Variants in KIF21A observed in about 807,000 individuals in gnomAD.
KIF21A encodes kinesin-like protein KIF21A.
KIF21A carries 114 observed loss-of-function variants against 202.9 expected under a neutral mutation model. The ratio of observed to expected loss-of-function variants is 0.56; its 90% CI spans 0.48 to 0.66. KIF21A has a LOEUF of 0.66. Among genes scored for constraint, KIF21A ranks in the 30% least tolerant of loss-of-function variants. The pLI is 0.00. For missense variants in KIF21A, 1,677 were observed against 1,994.9 expected (o/e 0.84, Z 3.04); for synonymous variants, 667 against 670.8 (o/e 0.99, Z 0.09).
Position 39,424,425 on chromosome 12 carries a change from G to T in KIF21A, c.44+18502C>A, listed in dbSNP as rs376400764. Among the ~76,000 whole-genome samples the T allele has an allele frequency of 2.0e-3, 305 of 152,262 alleles. 4 individuals are homozygous for T. Among genetic ancestry groups the T allele is most frequent in the African/African-American group, 7.1e-3 (293 of 41,560 alleles). ...CATGGATGAATGCATCCAAAGCCAT[G>T]GCTGCAAACATCTAAATGCTGTTGA... On this transcript the variant is annotated intron_variant, in intron 1 of 37. Coordinates refer to ENST00000361418, the MANE Select transcript of KIF21A (RefSeq NM_001173464.2).
intron 1 of KIF21A, among the ~76,000 whole-genome samples, chr12:39,392,283 G>A (rs1396176372): frequency 6.6e-6 from 1 of 152,124 alleles, no homozygotes; most frequent in Non-Finnish European, 1.5e-5. Flanking sequence ...GAAAGAAAGA[G>A]TGACAAGAAG....
At chr12:39,356,493 C>A in intron 10 of KIF21A, 4 of 202,672 alleles carry the variant, frequency 2.0e-5, no homozygotes, top group Non-Finnish European at 2.9e-5. Context: ...TGATCTATTC[C>A]CAACTGATGG....
At chr12:39,349,088 G>A (rs189462636) in intron 11 of KIF21A, among the ~76,000 whole-genome samples, 18 of 152,112 alleles carry the variant, frequency 1.2e-4, no homozygotes, top group African/African-American at 3.4e-4. Context: ...AGGGAGGAAC[G>A]GATCAAGGTA....
At chr12:39,303,240 CTTGTT>C in intron 35 of KIF21A, 105 bp from the exon 36 acceptor site, 1 of 919,240 alleles carries the variant, frequency 1.1e-6, no homozygotes, top group Non-Finnish European at 1.7e-6. Flanking sequence ...TCAGACATGA[CTTGTT>C]TTGTTATCTA....
chr12:39,330,646 T>G, intron 23 of KIF21A, 100 bp downstream of exon 23: 1 of 969,750 alleles, frequency 1.0e-6, no homozygotes, highest in Non-Finnish European at 1.7e-6. Flanking sequence ...AAATATAGCA[T>G]CTATTCAGTC....
At chr12:39,386,426 G>A (rs1950954025) in intron 1 of KIF21A, among the ~76,000 whole-genome samples, 1 of 152,164 alleles carries the variant, frequency 6.6e-6, no homozygotes, top group East Asian at 1.9e-4. Flanking sequence ...TGGAAGAAAT[G>A]TAAACTTCTT....
chr12:39,319,949 C>A lies in KIF21A; in HGVS notation c.3736G>T (p.Ala1246Ser). 3.1e-6 allele frequency: 5 copies of A among 1,609,302 alleles called. No individual in the cohort carries two copies. Among genetic ancestry groups the A allele is most frequent in the Non-Finnish European group, 3.4e-6 (4 of 1,176,918 alleles). ...PEPSPVTRRK[A>S]YEKAEKSKAK... is the part of the protein sequence containing the mutation. ...TTTGATTTTTCTGCTTTCTCATATG[C>A]CTTTCTCCTTGTTACAGGAGAAGGC... is the stretch of plus-strand genomic sequence containing the variant. Residue 1246 changes from alanine (A) to serine (S), a missense_variant, in exon 28 of 38, where the codon GCA becomes TCA. Ala to Ser is a moderately conservative substitution (Grantham distance 99). This residue lies in a region of KIF21A where 705 missense variants were observed against 791.9 expected (regional missense o/e 0.89). Transcript: ENST00000361418.
intron 10 of KIF21A, among the ~76,000 whole-genome samples, chr12:39,353,677 A>T (rs1290314554): frequency 6.6e-6 from 1 of 152,122 alleles, no homozygotes; most frequent in Non-Finnish European, 1.5e-5. Context: ...TAAATAATGT[A>T]GGTATTTTAT....
chr12:39,331,737 C>T lies in KIF21A; in HGVS notation c.3106G>A (p.Glu1036Lys). ...AAGTGATCTAGCAGGTATCGGGCTT[C>T]TGTAAGGGTGCAGGCATTAATGACT... is the stretch of plus-strand genomic sequence containing the variant. ...TAVINACTLT[E>K]ARYLLDHFLS... is the part of the protein sequence containing the mutation. Residue 1036 changes from glutamate (E) to lysine (K), a missense_variant, in exon 22 of 38, where the codon GAA (glutamate) becomes AAA (lysine). Transcript: ENST00000361418. 6.2e-7 allele frequency: 1 copy of T among 1,613,740 alleles called. No homozygotes were observed. Among genetic ancestry groups the T allele is most frequent in the Non-Finnish European group, 8.5e-7 (1 of 1,179,742 alleles).
At chr12:39,392,979 T>C (rs1212084304) in intron 1 of KIF21A, among the ~76,000 whole-genome samples, 1 of 147,462 alleles carries the variant, frequency 6.8e-6, no homozygotes, top group Non-Finnish European at 1.5e-5. Context: ...GGAAAATATA[T>C]ACTATAAATG....
chr12:39,344,286 T>C (rs1158732979), intron 12 of KIF21A, among the ~76,000 whole-genome samples: 4 of 152,130 alleles, frequency 2.6e-5, no homozygotes, highest in African/African-American at 9.7e-5. Context: ...TTTCATCCAA[T>C]CATCAATTAA....
At chr12:39,349,001 C>T (rs1948140614) in intron 11 of KIF21A, among the ~76,000 whole-genome samples, 1 of 151,778 alleles carries the variant, frequency 6.6e-6, no homozygotes, top group South Asian at 2.1e-4. Flanking sequence ...TTAAGGAGAT[C>T]AGAGAAAAAA....
intron 6 of KIF21A, among the ~76,000 whole-genome samples, 162 bp downstream of exon 6, chr12:39,366,188 A>G (rs939681123): frequency 6.6e-6 from 1 of 152,196 alleles, no homozygotes; most frequent in African/African-American, 2.4e-5. Flanking sequence ...AGCCTACAAC[A>G]TGAGGAGATT....
In KIF21A at chr12:39,370,158, T is replaced by C. The variant is rs778279184; in HGVS notation, c.148A>G (p.Thr50Ala). ...TCAATGTCAAATACATAGTCAAAAGTAAAAGCCTTATCTTTCCCTAGGAAG... is the reference window on the plus strand; with the variant it reads ...TCAATGTCAAATACATAGTCAAAAGCAAAAGCCTTATCTTTCCCTAGGAAG... The part of the protein sequence containing the change: ...QVFLGKDKAF[T>A]FDYVFDIDSQ... Residue 50 changes from threonine to alanine, a missense_variant, in exon 2 of 38, where the codon ACT (threonine) becomes GCT (alanine). Physicochemically the swap from Thr to Ala is moderately conservative, Grantham distance 58 (BLOSUM62 0). Transcript: ENST00000361418. 61 of 1,613,316 alleles carry C rather than the reference T, an allele frequency of 3.8e-5. No individual in the cohort carries two copies. Among genetic ancestry groups the C allele is most frequent in the Admixed American group, 3.3e-4 (20 of 59,972 alleles).
chr12:39,386,371 A>T (rs1483691039), intron 1 of KIF21A, among the ~76,000 whole-genome samples: 1 of 152,198 alleles, frequency 6.6e-6, no homozygotes, highest in Non-Finnish European at 1.5e-5. Context: ...ACACCAACAC[A>T]ATGGTACTTA....
chr12:39,316,656 T>C (rs1253263179), intron 29 of KIF21A, among the ~76,000 whole-genome samples: 1 of 152,030 alleles, frequency 6.6e-6, no homozygotes, highest in Non-Finnish European at 1.5e-5. Context: ...TTGAGGAGAA[T>C]GAGGATATGG....
chr12:39,342,437 G>A (rs1231758638), intron 12 of KIF21A, among the ~76,000 whole-genome samples: 4 of 152,036 alleles, frequency 2.6e-5, no homozygotes, highest in Admixed American at 2.0e-4. Context: ...TAACTAGAAT[G>A]TAAGGCAATT....
intron 22 of KIF21A, 35 bp downstream of exon 22, chr12:39,331,655 C>T (rs1946515898): frequency 2.1e-6 from 3 of 1,406,714 alleles, no homozygotes; most frequent in Non-Finnish European, 3.0e-6. Flanking sequence ...TTAGTCAAAA[C>T]TTAGATTTTC....
chr12:39,361,566 G>A (rs377141143), intron 7 of KIF21A, among the ~76,000 whole-genome samples: 1,364 of 99,980 alleles, frequency 0.014, 34 homozygotes, highest in African/African-American at 0.061. Flanking sequence ...CTGTCTCCCA[G>A]GATGGAGTGC....
Sources: gnomAD v4.1 joint callset for allele counts (sites outside exome capture counted in the v4.1 genomes callset) on GRCh38, gnomAD v4.1.1 for gene constraint, gnomAD v4.1.1 regional missense constraint, MANE v1.5 for transcripts, NCBI Gene and HGNC (gene_info 2026-07-23, HGNC 2026-07-21) for gene names.